PLAAT1: variants seen among roughly 807,000 people sequenced by gnomAD.
PLAAT1 encodes phospholipase A and acyltransferase 1.
PLAAT1 carries 13 observed loss-of-function variants against 16.4 expected under a neutral mutation model. The ratio of observed to expected loss-of-function variants is 0.79; its 90% CI spans 0.52 to 1.26. PLAAT1 has a LOEUF of 1.26. Ranked by LOEUF, PLAAT1 falls within the 50% of genes most tolerant of loss-of-function variation. The pLI is 0.00. For synonymous variants in PLAAT1, 73 were observed against 78.4 expected (o/e 0.93, Z 0.36); for missense variants, 218 against 207.8 (o/e 1.05, Z -0.30).
At chr3:193,270,530 G>C (rs1414696001) in intron 3 of PLAAT1, 74 bp from the exon 4 acceptor site, 2 of 1,427,572 alleles carry the variant, frequency 1.4e-6, no homozygotes, top group African/African-American at 2.8e-5. Context: ...TAGGAAACAG[G>C]CTAAAGCTTC....
intron 2 of PLAAT1, among the ~76,000 whole-genome samples, chr3:193,262,348 T>C (rs964935870): frequency 2.2e-5 from 1 of 45,862 alleles, no homozygotes; most frequent in Non-Finnish European, 4.5e-5. Context: ...GGGCTTTTTT[T>C]TTTTTTTTTT....
At chr3:193,252,575 A>G (rs149093646) in intron 1 of PLAAT1, among the ~76,000 whole-genome samples, 3 of 152,082 alleles carry the variant, frequency 2.0e-5, no homozygotes, top group African/African-American at 4.8e-5. Flanking sequence ...CAATTTACCA[A>G]TTTTTCCTGG....
downstream of PLAAT1, among the ~76,000 whole-genome samples, chr3:193,273,845 A>T (rs527379886): frequency 6.6e-6 from 1 of 152,324 alleles, no homozygotes; most frequent in South Asian, 2.1e-4. Context: ...AGAACTTAAG[A>T]TTGTTTAGTA....
chr3:193,241,004 G>A (rs112474258), upstream of PLAAT1: 7,418 of 368,688 alleles, frequency 0.02, 117 homozygotes, highest in Middle Eastern at 0.035. Context: ...CGCGGGTGCG[G>A]AGCCGGGGGC....
intron 3 of PLAAT1, among the ~76,000 whole-genome samples, chr3:193,266,914 A>T (rs1303299753): frequency 6.6e-6 from 1 of 152,176 alleles, no homozygotes; most frequent in Non-Finnish European, 1.5e-5. Context: ...CCTTGAGCTT[A>T]GAAATGTTTT....
chr3:193,267,083 A>G (rs1716805232), intron 3 of PLAAT1, among the ~76,000 whole-genome samples: 1 of 152,250 alleles, frequency 6.6e-6, no homozygotes, highest in South Asian at 2.1e-4. Flanking sequence ...TTAGCTTCAT[A>G]GCAAAATTAA....
chr3:193,267,909 G>T (rs139152098), intron 3 of PLAAT1, among the ~76,000 whole-genome samples: 39 of 152,222 alleles, frequency 2.6e-4, no homozygotes, highest in African/African-American at 9.4e-4. Context: ...ATTTTAATAG[G>T]CATCTTGTTT....
intron 2 of PLAAT1, among the ~76,000 whole-genome samples, chr3:193,276,381 GAAGGCAGTTCTTCACTCTAAA>G (rs1180165422): frequency 6.6e-6 from 1 of 152,186 alleles, no homozygotes; most frequent in Non-Finnish European, 1.5e-5. Context: ...AAACCCTGCG[GAAGGCAGTTCTTCACTCTAAA>G]AAGTCTCTTT....
intron 2 of PLAAT1, among the ~76,000 whole-genome samples, chr3:193,276,434 A>T (rs558729897): frequency 2.0e-5 from 3 of 152,350 alleles, no homozygotes; most frequent in Admixed American, 2.0e-4. Context: ...TTGGAAGGTC[A>T]CCTGGTCTAG....
At chr3:193,267,778 A>ACACT (rs1716831845) in intron 3 of PLAAT1, among the ~76,000 whole-genome samples, 1 of 152,206 alleles carries the variant, frequency 6.6e-6, no homozygotes, top group East Asian at 1.9e-4. Flanking sequence ...GTTTTGTAAG[A>ACACT]CACTGCCAAA....
chr3:193,274,386 A>G (rs1388001434), downstream of PLAAT1, among the ~76,000 whole-genome samples: 4 of 152,234 alleles, frequency 2.6e-5, no homozygotes, highest in Non-Finnish European at 5.9e-5. Context: ...CCTAAACACT[A>G]TACACTGAGT....
intron 1 of PLAAT1, among the ~76,000 whole-genome samples, chr3:193,243,064 A>G (rs369465138): frequency 6.6e-5 from 10 of 152,204 alleles, no homozygotes; most frequent in African/African-American, 1.7e-4. Flanking sequence ...AGAGAGCTAT[A>G]AAGACAGCAG....
chr3:193,264,669 A>G (rs1424400081), intron 3 of PLAAT1, among the ~76,000 whole-genome samples: 2 of 151,986 alleles, frequency 1.3e-5, no homozygotes, highest in Non-Finnish European at 2.9e-5. Flanking sequence ...ATGCCTAGCT[A>G]ATTTTTTGTA....
chr3:193,254,599 G>A (rs1384951925), intron 1 of PLAAT1, among the ~76,000 whole-genome samples: 1 of 152,016 alleles, frequency 6.6e-6, no homozygotes, highest in Non-Finnish European at 1.5e-5. Flanking sequence ...AGATACTTAT[G>A]TATTCTTTCT....
chr3:193,258,138 G>T (rs773232764), intron 2 of PLAAT1, among the ~76,000 whole-genome samples: 3 of 152,032 alleles, frequency 2.0e-5, no homozygotes, highest in Non-Finnish European at 4.4e-5. Flanking sequence ...TATTAGTCCT[G>T]CCCCTCTAGA....
intron 3 of PLAAT1, among the ~76,000 whole-genome samples, chr3:193,269,330 TG>T (rs201429538): frequency 7.7e-4 from 117 of 152,346 alleles, no homozygotes; most frequent in African/African-American, 2.6e-3. Flanking sequence ...CCCTGGCATC[TG>T]GGGGTTGGAG....
chr3:193,274,972 C>A, downstream of PLAAT1: 1 of 1,559,968 alleles, frequency 6.4e-7, no homozygotes, highest in South Asian at 1.2e-5. Context: ...AGAGTATCAT[C>A]ACTTCTCCAC....
At chr3:193,256,683 T>C (rs544307397) in intron 2 of PLAAT1, among the ~76,000 whole-genome samples, 19 of 152,288 alleles carry the variant, frequency 1.2e-4, no homozygotes, top group Non-Finnish European at 2.4e-4. Flanking sequence ...GTATTGTTGA[T>C]GGTAATATAA....
chr3:193,242,222 A>G (rs1216017215), intron 1 of PLAAT1, among the ~76,000 whole-genome samples: 1 of 151,506 alleles, frequency 6.6e-6, no homozygotes, highest in Admixed American at 6.6e-5. Flanking sequence ...AAAAGATCGG[A>G]CGCATGGTAT....
Sources: allele counts gnomAD v4.1 joint callset (sites outside exome capture counted in the v4.1 genomes callset), GRCh38; gene constraint gnomAD v4.1.1; transcripts MANE v1.5; gene names NCBI Gene and HGNC (gene_info 2026-07-23, HGNC 2026-07-21).